Variants in CD226 observed in about 807,000 individuals in gnomAD.
The protein encoded by CD226 is CD226 antigen.
In CD226, 24 loss-of-function variants were observed where a neutral mutation model predicts 34.9. The ratio of observed to expected loss-of-function variants is 0.69; its 90% CI spans 0.50 to 0.97. CD226 has a LOEUF of 0.97. Among genes scored for constraint, CD226 ranks in the 50% least tolerant of loss-of-function variants. The pLI, the probability that CD226 is intolerant of heterozygous loss-of-function variation, is 0.00. For missense variants in CD226, 397 were observed against 412.7 expected (o/e 0.96, Z 0.33); for synonymous variants, 148 against 147.4 (o/e 1.00, Z -0.03).
At chr18:69,899,096 T>C (rs1985465481) in intron 2 of CD226, among the ~76,000 whole-genome samples, 1 of 152,236 alleles carries the variant, frequency 6.6e-6, no homozygotes, top group Non-Finnish European at 1.5e-5. Context: ...ATATTCTCTA[T>C]TTTGTATGTG....
intron 3 of CD226, among the ~76,000 whole-genome samples, chr18:69,889,689 C>A (rs1984771638): frequency 6.6e-6 from 1 of 152,140 alleles, no homozygotes; most frequent in Non-Finnish European, 1.5e-5. Flanking sequence ...CATCTACAGG[C>A]AAGATTTATA....
chr18:69,938,161 G>A (rs2055678503), intron 2 of CD226, among the ~76,000 whole-genome samples: 1 of 152,198 alleles, frequency 6.6e-6, no homozygotes, highest in Non-Finnish European at 1.5e-5. Context: ...CACAGAGTCA[G>A]CAAACATACA....
chr18:69,928,978 A>C (rs2055556714), intron 2 of CD226, among the ~76,000 whole-genome samples: 1 of 152,250 alleles, frequency 6.6e-6, no homozygotes, highest in African/African-American at 2.4e-5. Flanking sequence ...CTTGAACAGC[A>C]CTTGTAAGAA....
chr18:69,902,275 C>T (rs1345832715), intron 2 of CD226, among the ~76,000 whole-genome samples: 1 of 152,120 alleles, frequency 6.6e-6, no homozygotes, highest in African/African-American at 2.4e-5. Flanking sequence ...TGGCGCCATC[C>T]AGTCCTTGTT....
At chr18:69,958,788 A>AACACACACACACACACACAC (rs59835947), upstream of CD226, among the ~76,000 whole-genome samples, 3 of 143,804 alleles carry the variant, frequency 2.1e-5, no homozygotes, top group Admixed American at 6.9e-5. Context: ...TTCACAGGCA[A>AACACACACACACACACACAC]ACACACACAC....
chr18:69,885,949 A>C (rs1047088901), intron 3 of CD226, among the ~76,000 whole-genome samples: 3 of 118,798 alleles, frequency 2.5e-5, no homozygotes, highest in African/African-American at 7.4e-5. Context: ...TCCTTTGCCT[A>C]AACTTGCTCT....
intron 2 of CD226, among the ~76,000 whole-genome samples, chr18:69,928,858 A>G (rs1355186118): frequency 6.6e-6 from 1 of 152,224 alleles, no homozygotes; most frequent in Admixed American, 6.5e-5. Context: ...AATATCTACA[A>G]TTCAGAAATG....
At chr18:69,910,540 G>A (rs953431473) in intron 2 of CD226, among the ~76,000 whole-genome samples, 3 of 152,216 alleles carry the variant, frequency 2.0e-5, no homozygotes, top group African/African-American at 7.2e-5. Context: ...AACTGTCACA[G>A]ATCAGAGGAA....
intron 4 of CD226, among the ~76,000 whole-genome samples, chr18:69,870,029 C>G (rs1477936130): frequency 6.6e-6 from 1 of 151,378 alleles, no homozygotes; most frequent in Admixed American, 6.6e-5. Context: ...GTCTTGAACT[C>G]CTGACCTCAT....
chr18:69,924,318 T>C (rs989705730), intron 2 of CD226, among the ~76,000 whole-genome samples: 41 of 152,206 alleles, frequency 2.7e-4, no homozygotes, highest in African/African-American at 9.4e-4. Flanking sequence ...TAAAAATATA[T>C]GGAAATTTAT....
chr18:69,959,132 CA>C (rs1283550672), upstream of CD226, among the ~76,000 whole-genome samples: 1 of 152,168 alleles, frequency 6.6e-6, no homozygotes, highest in Non-Finnish European at 1.5e-5. Context: ...ACTCAGCAAA[CA>C]GGGGAAATGT....
At chr18:69,900,355 A>G (rs1374774431) in intron 2 of CD226, among the ~76,000 whole-genome samples, 2 of 152,202 alleles carry the variant, frequency 1.3e-5, no homozygotes, top group Non-Finnish European at 2.9e-5. Context: ...TGGTGATGAA[A>G]TAATATGTAC....
intron 3 of CD226, among the ~76,000 whole-genome samples, chr18:69,886,049 A>G (rs1446991902): frequency 6.6e-6 from 1 of 152,144 alleles, no homozygotes; most frequent in African/African-American, 2.4e-5. Flanking sequence ...TTCTGTTGTG[A>G]TGAGTCTCCT....
chr18:69,926,682 T>C (rs1321370117), intron 2 of CD226, among the ~76,000 whole-genome samples: 1 of 152,236 alleles, frequency 6.6e-6, no homozygotes, highest in Admixed American at 6.5e-5. Flanking sequence ...GGAACCATCA[T>C]GTGCTGGGCA....
At chr18:69,916,421 A>C (rs767993638) in intron 2 of CD226, among the ~76,000 whole-genome samples, 1 of 152,228 alleles carries the variant, frequency 6.6e-6, no homozygotes. Context: ...TGAAAGTGAA[A>C]TACACCTTAA....
At chr18:69,956,709 G>C (rs867342236) in intron 1 of CD226, 2 of 152,192 alleles carry the variant, frequency 1.3e-5, no homozygotes, top group African/African-American at 4.8e-5. Context: ...CATTTAAAAA[G>C]TTGAGCTCAG....
intron 2 of CD226, among the ~76,000 whole-genome samples, chr18:69,909,301 C>T (rs2055295440): frequency 6.6e-6 from 1 of 152,168 alleles, no homozygotes; most frequent in South Asian, 2.1e-4. Context: ...GCAATATTTT[C>T]CAGTCCAGGC....
exon 1 of CD226, chr18:69,956,878 C>T (rs1317599616): frequency 6.6e-6 from 1 of 152,268 alleles, no homozygotes; most frequent in Non-Finnish European, 1.5e-5. Flanking sequence ...CTGCAAGCTC[C>T]CCGCTGCTCC....
At chr18:69,908,707 G>A (rs771432087) in intron 2 of CD226, among the ~76,000 whole-genome samples, 7 of 152,192 alleles carry the variant, frequency 4.6e-5, no homozygotes, top group South Asian at 2.1e-4. Context: ...AGGTTCAGAC[G>A]TTTCCTATTC....
Sources: gnomAD v4.1 joint callset for allele counts (sites outside exome capture counted in the v4.1 genomes callset) on GRCh38, gnomAD v4.1.1 for gene constraint, MANE v1.5 for transcripts, NCBI Gene and HGNC (gene_info 2026-07-23, HGNC 2026-07-21) for gene names.